DOCK1: variants seen among roughly 807,000 people sequenced by gnomAD.
DOCK1 encodes dedicator of cytokinesis 1, also known as dedicator of cytokinesis protein 1.
A neutral mutation model predicts 262.7 loss-of-function variants in DOCK1; 138 were observed. The observed-to-expected ratio is 0.53, with a 90% CI of 0.46 to 0.61. The LOEUF is 0.61. DOCK1 is among the 20% of genes least tolerant of loss of function. The probability of loss-of-function intolerance (pLI) is 0.00; values close to 1 mark genes in which losing one functional copy is unlikely to be tolerated. For synonymous variants in DOCK1, 866 were observed against 867.4 expected, an observed-to-expected ratio of 1.00 and a Z score of 0.03; for missense variants, 1,908 against 2,370.7, an observed-to-expected ratio of 0.80 and a Z score of 4.05.
chr10:126,927,378 G>A (rs575584765), intron 1 of DOCK1, among the ~76,000 whole-genome samples: 1 of 152,306 alleles, frequency 6.6e-6, no homozygotes, highest in South Asian at 2.1e-4. Context: ...GAACTTTGGA[G>A]TTAGAGGCCG....
At chr10:126,957,394 C>T (rs2036832515) in intron 1 of DOCK1, among the ~76,000 whole-genome samples, 2 of 152,146 alleles carry the variant, frequency 1.3e-5, no homozygotes, top group South Asian at 2.1e-4. Flanking sequence ...GCAAACGCCT[C>T]CCATCAAAGT....
At position 126,905,437 on chromosome 10, in the gene DOCK1, C is replaced by T. The variant is rs568186228; in HGVS notation, c.-81C>T. ...CGCCGCAAACTTTTTCCTCCCCATCCTGTCGCGGCTCGAAAGGAATGGAAA... is the reference window on the plus strand; with the variant it reads ...CGCCGCAAACTTTTTCCTCCCCATCTTGTCGCGGCTCGAAAGGAATGGAAA... On this transcript the variant is annotated 5_prime_UTR_variant, in exon 1 of 52. Coordinates refer to ENST00000623213, the MANE Select transcript of DOCK1 (RefSeq NM_001290223.2). 6.7e-6 allele frequency: 3 copies of T among 445,396 alleles called. No individual in the cohort carries two copies. The highest frequency in any genetic ancestry group is 2.1e-5 in the African/African-American group (1 of 47,262). 27.6% of individuals were successfully genotyped at this position (445,396 alleles called of 1,614,324 possible). A position where few individuals can be genotyped will look rare whatever the true frequency, so the allele number is the denominator to read the frequency against.
intron 50 of DOCK1, 121 bp from the exon 51 acceptor site, chr10:127,447,273 T>G: frequency 1.4e-6 from 2 of 1,424,470 alleles, no homozygotes; most frequent in Middle Eastern, 3.8e-4. Flanking sequence ...ACAAACGTTT[T>G]CTGCCAGATG....
At chr10:127,156,914 G>T (rs2053142882) in intron 27 of DOCK1, among the ~76,000 whole-genome samples, 1 of 152,116 alleles carries the variant, frequency 6.6e-6, no homozygotes, top group South Asian at 2.1e-4. Flanking sequence ...CTTTACTGCA[G>T]TCACTTTGTA....
chr10:127,232,994 A>G (rs1348236595), intron 27 of DOCK1, among the ~76,000 whole-genome samples: 1 of 152,222 alleles, frequency 6.6e-6, no homozygotes, highest in Non-Finnish European at 1.5e-5. Context: ...GCTCTTCACC[A>G]TGTGACTGGT....
At chr10:127,315,671 A>C (rs2062244344) in intron 29 of DOCK1, among the ~76,000 whole-genome samples, 1 of 152,196 alleles carries the variant, frequency 6.6e-6, no homozygotes, top group African/African-American at 2.4e-5. Context: ...GCTGCCCCTG[A>C]AGTCACATCA....
At chr10:127,193,205 G>GT (rs2056872740) in intron 27 of DOCK1, among the ~76,000 whole-genome samples, 2 of 152,144 alleles carry the variant, frequency 1.3e-5, no homozygotes, top group Admixed American at 6.5e-5. Flanking sequence ...GTGGGGAGGG[G>GT]TTGTGGTGCT....
chr10:127,345,347 G>A (rs1156735569), intron 31 of DOCK1, among the ~76,000 whole-genome samples: 1 of 152,124 alleles, frequency 6.6e-6, no homozygotes, highest in Non-Finnish European at 1.5e-5. Context: ...TCTAGATGAG[G>A]AAGGTCACAC....
chr10:126,950,735 A>G (rs1156641728), intron 1 of DOCK1, among the ~76,000 whole-genome samples: 1 of 152,096 alleles, frequency 6.6e-6, no homozygotes, highest in Non-Finnish European at 1.5e-5. Flanking sequence ...TTGTGTGCAG[A>G]AATGGGGTTT....
intron 19 of DOCK1, among the ~76,000 whole-genome samples, chr10:127,039,665 G>A (rs1422612723): frequency 6.6e-6 from 1 of 152,198 alleles, no homozygotes; most frequent in East Asian, 1.9e-4. Flanking sequence ...CCACGGGGCT[G>A]TTAATGGCCA....
chr10:126,961,457 T>C (rs1455489602), intron 1 of DOCK1, among the ~76,000 whole-genome samples: 1 of 144,974 alleles, frequency 6.9e-6, no homozygotes, highest in African/African-American at 2.6e-5. Context: ...CCAGTGAAAC[T>C]CAGCACCCAT....
At chr10:127,273,475 A>G (rs1377181300) in intron 29 of DOCK1, among the ~76,000 whole-genome samples, 3 of 152,244 alleles carry the variant, frequency 2.0e-5, no homozygotes, top group Admixed American at 1.3e-4. Flanking sequence ...CTATGGGGCC[A>G]GGCATCTGAT....
At chr10:126,917,663 C>G (rs1028936454) in intron 1 of DOCK1, among the ~76,000 whole-genome samples, 3 of 152,142 alleles carry the variant, frequency 2.0e-5, no homozygotes, top group Non-Finnish European at 4.4e-5. Flanking sequence ...AGACTTATCC[C>G]TTTGTTCCAC....
intron 27 of DOCK1, among the ~76,000 whole-genome samples, chr10:127,129,318 T>G (rs1374731424): frequency 6.6e-6 from 1 of 152,212 alleles, no homozygotes; most frequent in African/African-American, 2.4e-5. Flanking sequence ...TTAAAGTGTT[T>G]AAACTTAAAG....
At chr10:127,420,358 GCTT>G (rs1171860143) in intron 46 of DOCK1, among the ~76,000 whole-genome samples, 1 of 152,194 alleles carries the variant, frequency 6.6e-6, no homozygotes, top group Non-Finnish European at 1.5e-5. Context: ...ATGCATCTGT[GCTT>G]CTCAGAGCCT....
chr10:127,059,874 T>G (rs939600224), intron 22 of DOCK1, among the ~76,000 whole-genome samples: 2 of 152,024 alleles, frequency 1.3e-5, no homozygotes, highest in Non-Finnish European at 2.9e-5. Flanking sequence ...CAAGACTGTT[T>G]GTATGTAAAA....
chr10:127,025,909 A>G (rs919417948), intron 15 of DOCK1: 8 of 189,506 alleles, frequency 4.2e-5, no homozygotes, highest in Non-Finnish European at 1.1e-5. Context: ...ACACAAAATT[A>G]GCTGGGTGTG....
At chr10:127,318,803 C>G (rs1379345293) in intron 29 of DOCK1, among the ~76,000 whole-genome samples, 1 of 152,202 alleles carries the variant, frequency 6.6e-6, no homozygotes, top group Non-Finnish European at 1.5e-5. Flanking sequence ...TCCAGCAAAC[C>G]TATAACTGGG....
intron 2 of DOCK1, among the ~76,000 whole-genome samples, chr10:126,971,827 T>C (rs2038128980): frequency 6.6e-6 from 1 of 152,234 alleles, no homozygotes; most frequent in Admixed American, 6.5e-5. Context: ...TTTCATCCTT[T>C]CCTTTTTTTT....
Sources: gnomAD v4.1 joint callset for allele counts (sites outside exome capture counted in the v4.1 genomes callset) on GRCh38, gnomAD v4.1.1 for gene constraint, MANE v1.5 for transcripts, NCBI Gene and HGNC (gene_info 2026-07-23, HGNC 2026-07-21) for gene names.